ARMC8: variants seen among roughly 807,000 people sequenced by gnomAD.
ARMC8 encodes armadillo repeat containing 8.
Under a neutral mutation model 99.3 loss-of-function variants are expected in ARMC8, and 20 were observed. The observed-to-expected ratio is 0.20, with a 90% CI of 0.14 to 0.29. The LOEUF (loss-of-function observed/expected upper bound fraction) is 0.29. Among genes scored for constraint, ARMC8 ranks in the 10% least tolerant of loss-of-function variants. ARMC8 has a pLI of 1.00. For synonymous variants in ARMC8, 263 were observed against 278.3 expected, an observed-to-expected ratio of 0.95 and a Z score of 0.55; for missense variants, 569 against 809.5, an observed-to-expected ratio of 0.70 and a Z score of 3.60.
chr3:138,187,730 G>C (rs2043143833), intron 1 of ARMC8, 131 bp downstream of exon 1: 1 of 1,020,804 alleles, frequency 9.8e-7, no homozygotes, highest in Admixed American at 2.3e-5. Flanking sequence ...CTCGGGCCAG[G>C]GAGTGAGCGA....
chr3:138,279,736 GT>G (rs2049689759), intron 18 of ARMC8, among the ~76,000 whole-genome samples: 1 of 152,088 alleles, frequency 6.6e-6, no homozygotes, highest in Admixed American at 6.5e-5. Context: ...GACTACTCAG[GT>G]TATCTGTTTC....
intron 12 of ARMC8, chr3:138,262,421 A>G (rs1020680088): frequency 1.3e-5 from 15 of 1,172,936 alleles, no homozygotes; most frequent in South Asian, 1.6e-5. Context: ...TTAATAGATG[A>G]TATTTTCCCT....
intron 1 of ARMC8, among the ~76,000 whole-genome samples, chr3:138,198,985 G>T (rs1360492231): frequency 6.6e-6 from 1 of 152,054 alleles, no homozygotes; most frequent in Admixed American, 6.6e-5. Flanking sequence ...GTGTTTTTAT[G>T]ATTGTGTTTG....
At chr3:138,203,206 T>C (rs371156810) in intron 1 of ARMC8, among the ~76,000 whole-genome samples, 16 of 152,368 alleles carry the variant, frequency 1.1e-4, no homozygotes, top group African/African-American at 3.6e-4. Flanking sequence ...GTGACAGTTA[T>C]TAATGATGCC....
chr3:138,260,624 T>A (rs2047663462), intron 12 of ARMC8, among the ~76,000 whole-genome samples: 1 of 152,236 alleles, frequency 6.6e-6, no homozygotes. Context: ...TTCTTGGTGC[T>A]AAGCAACTTC....
At chr3:138,187,662 T>C in intron 1 of ARMC8, 63 bp downstream of exon 1, 1 of 1,511,430 alleles carries the variant, frequency 6.6e-7, no homozygotes, top group Non-Finnish European at 8.9e-7. Flanking sequence ...TCTCCACCAT[T>C]CCCCCAAGCG....
chr3:138,241,430 AATAG>A (rs922679113), intron 10 of ARMC8, among the ~76,000 whole-genome samples: 30 of 152,214 alleles, frequency 2.0e-4, no homozygotes, highest in African/African-American at 5.8e-4. Flanking sequence ...TAGGTAAATA[AATAG>A]ATAGATAGGG....
chr3:138,287,587 G>T (rs1445843866), intron 19 of ARMC8: 4 of 455,574 alleles, frequency 8.8e-6, no homozygotes. Flanking sequence ...TTGATTGATT[G>T]TCTGAGGCTG....
chr3:138,278,325 G>T (rs2049511095), intron 18 of ARMC8, among the ~76,000 whole-genome samples: 1 of 152,030 alleles, frequency 6.6e-6, no homozygotes, highest in African/African-American at 2.4e-5. Flanking sequence ...TAGCAACATG[G>T]TGAAGCCCTG....
intron 12 of ARMC8, chr3:138,263,446 C>T (rs928090690): frequency 2.7e-5 from 9 of 332,154 alleles, no homozygotes; most frequent in Non-Finnish European, 5.1e-5. Context: ...AGATTATTTA[C>T]ATAACACCTC....
At chr3:138,294,551 A>C (rs2051286486) in intron 21 of ARMC8, among the ~76,000 whole-genome samples, 1 of 152,218 alleles carries the variant, frequency 6.6e-6, no homozygotes, top group Non-Finnish European at 1.5e-5. Context: ...GCAAGAATAC[A>C]CCTTAGTATA....
At chr3:138,263,063 T>G (rs2047910817) in intron 12 of ARMC8, among the ~76,000 whole-genome samples, 1 of 152,234 alleles carries the variant, frequency 6.6e-6, no homozygotes, top group African/African-American at 2.4e-5. Context: ...CATGAGTACT[T>G]TATTCTAATA....
At chr3:138,251,563 C>T (rs2047124092) in intron 12 of ARMC8, among the ~76,000 whole-genome samples, 1 of 152,160 alleles carries the variant, frequency 6.6e-6, no homozygotes, top group Non-Finnish European at 1.5e-5. Context: ...AAAGCAAATC[C>T]ACCAAAGAAT....
chr3:138,280,459 A>C lies in ARMC8; in HGVS notation c.1726-3972A>C, dbSNP rs1483677807. ...CAGCCTCCCAAGTAGCTGGAATTAC[A>C]GGTGCCCACCACCATGCCTGGTTAC... is the stretch of plus-strand genomic sequence containing the variant. On this transcript the variant is annotated intron_variant, in intron 18 of 21. Transcript: ENST00000469044. 1.8e-4 allele frequency among the ~76,000 whole-genome samples: 27 copies of C among 148,252 alleles called. No individual in the cohort carries two copies. In the Admixed American group the frequency reaches 1.8e-3, roughly 10 times the overall value.
intron 5 of ARMC8, among the ~76,000 whole-genome samples, chr3:138,226,671 A>C (rs2045713073): frequency 6.6e-6 from 1 of 152,014 alleles, no homozygotes; most frequent in East Asian, 1.9e-4. Flanking sequence ...TGTCTTTTTT[A>C]CCCTGGAAGT....
At chr3:138,262,521 A>G (rs1449691064) in intron 12 of ARMC8, 5 of 1,612,094 alleles carry the variant, frequency 3.1e-6, no homozygotes, top group Admixed American at 3.3e-5. Flanking sequence ...CTAAGGTCAG[A>G]CTTCTGAATC....
chr3:138,223,477 G>A lies in ARMC8; in HGVS notation c.283G>A (p.Glu95Lys), dbSNP rs779647716. The A allele has an allele frequency of 2.0e-5, 33 of 1,614,072 alleles. No individual in the cohort carries two copies. Among genetic ancestry groups the A allele is most frequent in the Non-Finnish European group, 2.8e-5 (33 of 1,180,036 alleles). Residue 95 changes from glutamate to lysine, a missense_variant, in exon 4 of 22, where the codon GAA becomes AAA. By Grantham distance (56) the Glu-to-Lys change is moderately conservative. Coordinates refer to ENST00000469044, the MANE Select transcript of ARMC8 (RefSeq NM_001363941.2). ...VVLGSLAMGTENNVKSLLDCH... is the reference protein window; with the variant it reads ...VVLGSLAMGTKNNVKSLLDCH... ...GTTGGGAAGTCTTGCTATGGGTACT[G>A]AAAACAATGTCAAGTCTCTACTGGA...
chr3:138,256,673 G>A (rs1269757251), intron 12 of ARMC8, among the ~76,000 whole-genome samples: 1 of 152,020 alleles, frequency 6.6e-6, no homozygotes, highest in African/African-American at 2.4e-5. Flanking sequence ...GCCTCCCAAA[G>A]TGCTGGCATT....
intron 1 of ARMC8, among the ~76,000 whole-genome samples, chr3:138,201,842 C>G (rs1391174119): frequency 6.6e-6 from 1 of 152,122 alleles, no homozygotes; most frequent in Non-Finnish European, 1.5e-5. Context: ...TCCATCTTGT[C>G]CCTAACTTCA....
Sources: allele counts gnomAD v4.1 joint callset (sites outside exome capture counted in the v4.1 genomes callset), GRCh38; gene constraint gnomAD v4.1.1; transcripts MANE v1.5; gene names NCBI Gene and HGNC (gene_info 2026-07-23, HGNC 2026-07-21).